PDE4B: variants seen among roughly 807,000 people sequenced by gnomAD.
PDE4B encodes phosphodiesterase 4B.
A neutral mutation model predicts 82.2 loss-of-function variants in PDE4B; 20 were observed. The observed-to-expected ratio is 0.24, with a 90% CI of 0.17 to 0.35. The LOEUF (loss-of-function observed/expected upper bound fraction) is 0.35. Among genes scored for constraint, PDE4B ranks in the 10% least tolerant of loss-of-function variants. The pLI, the probability that PDE4B is intolerant of heterozygous loss-of-function variation, is 1.00. For missense variants in PDE4B, 655 were observed against 907.2 expected (o/e 0.72, Z 3.57); for synonymous variants, 320 against 318.9 (o/e 1.00, Z -0.04).
At position 65,925,900 on chromosome 1, in the gene PDE4B, C is replaced by T. The variant is rs144404380; in HGVS notation, c.281+7065C>T. The stretch of plus-strand genomic sequence containing the variant: ...TTAAGGTCCACTGCCTATGACCCCA[C>T]GCCCTCAACCCCTGGCCCTGCTTGA... On this transcript the variant is annotated intron_variant, in intron 3 of 16. Transcript: ENST00000341517. Among the ~76,000 whole-genome samples, 126 of 152,270 alleles carry T rather than the reference C, an allele frequency of 8.3e-4. 1 individual carries two copies. The highest frequency in any genetic ancestry group is 2.9e-3 in the African/African-American group (121 of 41,556).
chr1:66,238,191 G>T (rs920768958), intron 3 of PDE4B, among the ~76,000 whole-genome samples: 1 of 152,114 alleles, frequency 6.6e-6, no homozygotes, highest in Non-Finnish European at 1.5e-5. Context: ...CTACCAGCCA[G>T]GGACTGTTCA....
intron 3 of PDE4B, among the ~76,000 whole-genome samples, chr1:66,206,848 C>A (rs770422655): frequency 2.0e-5 from 3 of 152,134 alleles, no homozygotes; most frequent in Non-Finnish European, 4.4e-5. Context: ...GTCTTTGAAT[C>A]CCTAGCATGT....
At chr1:65,990,454 A>C (rs951607820) in intron 3 of PDE4B, among the ~76,000 whole-genome samples, 1 of 152,156 alleles carries the variant, frequency 6.6e-6, no homozygotes, top group Non-Finnish European at 1.5e-5. Context: ...CACTATGAAT[A>C]ATGGCAAAAT....
chr1:66,023,245 G>T (rs1485512733), intron 3 of PDE4B, among the ~76,000 whole-genome samples: 1 of 152,172 alleles, frequency 6.6e-6, no homozygotes, highest in Non-Finnish European at 1.5e-5. Context: ...GTTAGGCTGT[G>T]TGGTACTCGG....
chr1:66,063,184 T>A (rs1259384902), intron 3 of PDE4B, among the ~76,000 whole-genome samples: 2 of 152,050 alleles, frequency 1.3e-5, no homozygotes, highest in African/African-American at 4.8e-5. Context: ...AAACTTAAAA[T>A]CCTCACAGCA....
At chr1:66,018,368 C>A (rs531906579) in intron 3 of PDE4B, among the ~76,000 whole-genome samples, 1 of 151,960 alleles carries the variant, frequency 6.6e-6, no homozygotes, top group East Asian at 1.9e-4. Context: ...TGCAGTGAGC[C>A]GAGATCGTGC....
At chr1:66,212,540 T>C (rs1207524270) in intron 3 of PDE4B, among the ~76,000 whole-genome samples, 4 of 152,128 alleles carry the variant, frequency 2.6e-5, no homozygotes, top group African/African-American at 9.7e-5. Context: ...CTCGTTTTAC[T>C]TTTTTGTAAA....
At chr1:66,103,387 T>A (rs1399127525) in intron 3 of PDE4B, among the ~76,000 whole-genome samples, 1 of 152,146 alleles carries the variant, frequency 6.6e-6, no homozygotes, top group East Asian at 1.9e-4. Context: ...TTTCTTTTTC[T>A]TATCCTGCTT....
chr1:65,917,789 A>T (rs1224541724), intron 2 of PDE4B, among the ~76,000 whole-genome samples: 1 of 152,244 alleles, frequency 6.6e-6, no homozygotes, highest in Admixed American at 6.5e-5. Context: ...TCCAATTGTA[A>T]GAAGACCTTT....
Position 66,294,728 on chromosome 1 carries a change from A to G in PDE4B, c.634+28641A>G, listed in dbSNP as rs1657379681. Among the ~76,000 whole-genome samples, 6 of 152,280 alleles carry G rather than the reference A, an allele frequency of 3.9e-5. No homozygotes were observed. In the South Asian group the frequency reaches 1.2e-3, roughly 32 times the overall value. Reference sequence around the variant, plus strand: ...AGTATGTTCCAGCAAAAGAGGAGAAAAAAACACACAGTAAAGGGAAAATCA... The same window carrying G: ...AGTATGTTCCAGCAAAAGAGGAGAAGAAAACACACAGTAAAGGGAAAATCA... On this transcript the variant is annotated intron_variant, in intron 7 of 16. Transcript: ENST00000341517.
chr1:66,283,565 T>TAC (rs71244503), intron 7 of PDE4B, among the ~76,000 whole-genome samples: 1 of 151,854 alleles, frequency 6.6e-6, no homozygotes, highest in African/African-American at 2.4e-5. Flanking sequence ...TTTTACAACT[T>TAC]TTTAAAAAAT....
At chr1:66,159,268 A>G (rs1296309841) in intron 3 of PDE4B, among the ~76,000 whole-genome samples, 1 of 151,226 alleles carries the variant, frequency 6.6e-6, no homozygotes. Flanking sequence ...TTTGAGAAAG[A>G]GCCTCACTCT....
chr1:66,024,245 G>A (rs1653310553), intron 3 of PDE4B, among the ~76,000 whole-genome samples: 1 of 152,016 alleles, frequency 6.6e-6, no homozygotes, highest in Non-Finnish European at 1.5e-5. Context: ...GTATTCAGTA[G>A]GTCTCTTACC....
intron 3 of PDE4B, among the ~76,000 whole-genome samples, chr1:66,077,726 T>A (rs560732832): frequency 6.6e-6 from 1 of 152,298 alleles, no homozygotes; most frequent in East Asian, 1.9e-4. Flanking sequence ...AAGGCCACAT[T>A]GTGAAGAACT....
intron 7 of PDE4B, among the ~76,000 whole-genome samples, chr1:66,276,419 T>C (rs1655883174): frequency 6.6e-6 from 1 of 152,224 alleles, no homozygotes; most frequent in Admixed American, 6.5e-5. Context: ...ACACTGTCTC[T>C]GCCTCCATCC....
intron 3 of PDE4B, among the ~76,000 whole-genome samples, chr1:66,096,508 TTATATATATATATA>T (rs4068855): frequency 3.4e-4 from 37 of 107,320 alleles, no homozygotes; most frequent in Middle Eastern, 4.6e-3. Flanking sequence ...GTAAAAAAAA[TTATATATATATATA>T]TATATATATA....
chr1:65,831,367 C>A (rs772000972), intron 1 of PDE4B, among the ~76,000 whole-genome samples: 3 of 152,106 alleles, frequency 2.0e-5, no homozygotes, highest in Non-Finnish European at 4.4e-5. Flanking sequence ...CTAGTGAATT[C>A]ACAAACATTG....
At chr1:65,907,409 G>T (rs943659793) in intron 1 of PDE4B, among the ~76,000 whole-genome samples, 1 of 151,966 alleles carries the variant, frequency 6.6e-6, no homozygotes, top group African/African-American at 2.4e-5. Context: ...GTTTACGGAT[G>T]ATTATACTCC....
At chr1:65,958,441 T>C (rs190410729) in intron 3 of PDE4B, among the ~76,000 whole-genome samples, 23 of 152,136 alleles carry the variant, frequency 1.5e-4, no homozygotes, top group Non-Finnish European at 2.4e-4. Flanking sequence ...TTTTCCCACA[T>C]TGTGGTATTT....
Sources: gnomAD v4.1 joint callset for allele counts (sites outside exome capture counted in the v4.1 genomes callset) on GRCh38, gnomAD v4.1.1 for gene constraint, MANE v1.5 for transcripts, NCBI Gene and HGNC (gene_info 2026-07-23, HGNC 2026-07-21) for gene names.